BIVM: variants seen among roughly 807,000 people sequenced by gnomAD.
BIVM encodes the protein basic, immunoglobulin-like variable motif containing, also known as basic immunoglobulin-like variable motif-containing protein.
BIVM carries 31 observed loss-of-function variants against 61.4 expected under a neutral mutation model. The ratio of observed to expected loss-of-function variants is 0.51; its 90% CI spans 0.38 to 0.68. BIVM has a LOEUF of 0.68. Ranked by LOEUF, BIVM falls within the 30% of genes least tolerant of loss-of-function variation. BIVM has a pLI of 0.00. For missense variants in BIVM, 526 were observed against 596.0 expected (o/e 0.88, Z 1.22); for synonymous variants, 189 against 210.7 (o/e 0.90, Z 0.89).
In BIVM at chr13:102,821,023, T is replaced by C; in HGVS notation, c.606-14T>C. 6.2e-7 allele frequency: 1 copy of C among 1,604,542 alleles called. No homozygotes were observed. Among genetic ancestry groups the C allele is most frequent in the Non-Finnish European group, 8.5e-7 (1 of 1,177,020 alleles). ...GTTCATTCAAGTGAAGAAAACAGTC[T>C]TTTGTGTTCTCAGGTACTGCATAAG... On this transcript the variant is annotated splice_polypyrimidine_tract_variant and intron_variant, in intron 4 of 10. Coordinates refer to ENST00000257336, the MANE Select transcript of BIVM (RefSeq NM_017693.4).
chr13:102,812,267 A>G (rs1879550307), intron 3 of BIVM, among the ~76,000 whole-genome samples: 1 of 152,142 alleles, frequency 6.6e-6, no homozygotes, highest in African/African-American at 2.4e-5. Flanking sequence ...CATGTTCTTC[A>G]TACATACATC....
Position 102,840,019 on chromosome 13 carries a change from T to C in BIVM, c.*154T>C. ...TGTAGTTCTCCAGATACTAAGCTTG[T>C]ATATGATTATGGTGGGTGATTTCAG... On this transcript the variant is annotated 3_prime_UTR_variant, in exon 11 of 11. Transcript: ENST00000257336. 1.3e-6 allele frequency: 1 copy of C among 745,276 alleles called. No homozygotes were observed. Among genetic ancestry groups the C allele is most frequent in the East Asian group, 2.7e-5 (1 of 37,732 alleles). The allele number at this position is 745,276 out of a possible 1,614,324, so 46.2% of individuals were successfully genotyped here.
At chr13:102,835,722 G>A (rs974189719) in intron 9 of BIVM, among the ~76,000 whole-genome samples, 1 of 152,126 alleles carries the variant, frequency 6.6e-6, no homozygotes, top group Non-Finnish European at 1.5e-5. Flanking sequence ...TCGTAGAGAC[G>A]GGGTTTCGCC....
At chr13:102,831,821 A>G in intron 8 of BIVM, 124 bp downstream of exon 8, 6 of 965,314 alleles carry the variant, frequency 6.2e-6, no homozygotes, top group Middle Eastern at 6.9e-4. Context: ...CGAGGTCAGA[A>G]GATCGAGACC....
intron 6 of BIVM, 92 bp from the exon 7 acceptor site, chr13:102,821,973 C>T: frequency 6.5e-7 from 1 of 1,543,494 alleles, no homozygotes; most frequent in Non-Finnish European, 8.9e-7. Context: ...GGTATACCAA[C>T]TTTGGGCTAT....
In BIVM at chr13:102,840,034, G is replaced by T; in HGVS notation, c.*169G>T. 1.5e-6 allele frequency: 1 copy of T among 645,952 alleles called. No homozygotes were observed. Among genetic ancestry groups the T allele is most frequent in the Non-Finnish European group, 2.5e-6 (1 of 398,236 alleles). 40.0% of individuals were successfully genotyped at this position (645,952 alleles called of 1,614,324 possible). A position where few individuals can be genotyped will look rare whatever the true frequency, so the allele number is the denominator to read the frequency against. Reference sequence around the variant, plus strand: ...ACTAAGCTTGTATATGATTATGGTGGGTGATTTCAGATATATAAGCAGATA... The same window carrying T: ...ACTAAGCTTGTATATGATTATGGTGTGTGATTTCAGATATATAAGCAGATA... On this transcript the variant is annotated 3_prime_UTR_variant, in exon 11 of 11. Transcript: ENST00000257336.
At chr13:102,824,369 A>G (rs994759162) in intron 7 of BIVM, among the ~76,000 whole-genome samples, 2 of 152,216 alleles carry the variant, frequency 1.3e-5, no homozygotes, top group African/African-American at 4.8e-5. Flanking sequence ...AATAAATACT[A>G]GTAAAGCTTA....
intron 3 of BIVM, among the ~76,000 whole-genome samples, chr13:102,810,964 C>T (rs1879455162): frequency 6.6e-6 from 1 of 152,178 alleles, no homozygotes; most frequent in African/African-American, 2.4e-5. Context: ...CTCCTGGGCT[C>T]AAGCAATCCT....
In BIVM at chr13:102,839,752, C is replaced by T. The variant is rs752513014; in HGVS notation, c.1399C>T (p.Arg467Trp). ...ISKKQHGRLG[R>W]SFSASFHQDS... ...CAAGAAGCAGCATGGGCGTCTGGGC[C>T]GGTCTTTCAGTGCTAGTTTCCATCA... Residue 467 changes from arginine to tryptophan, a missense_variant, in exon 11 of 11, where the codon CGG becomes TGG. By Grantham distance (101) the Arg-to-Trp change is moderately radical. Around this residue, in one of 3 missense-constraint regions of BIVM, gnomAD observed 210 missense variants for 233.1 expected, o/e 0.90. Coordinates refer to ENST00000257336, the MANE Select transcript of BIVM (RefSeq NM_017693.4). 1.4e-5 allele frequency: 23 copies of T among 1,613,992 alleles called. No individual in the cohort carries two copies. The highest frequency in any genetic ancestry group is 2.2e-5 in the East Asian group (1 of 44,886).
chr13:102,829,613 C>G (rs1485329007), intron 7 of BIVM, among the ~76,000 whole-genome samples: 2 of 151,990 alleles, frequency 1.3e-5, no homozygotes, highest in Admixed American at 1.3e-4. Context: ...CTGAGAGGGG[C>G]GGGACACTTG....
chr13:102,814,097 G>A (rs2139177002), intron 3 of BIVM, among the ~76,000 whole-genome samples: 1 of 152,246 alleles, frequency 6.6e-6, no homozygotes, highest in Admixed American at 6.5e-5. Context: ...GTGTGTGTCT[G>A]TCTGTCTGTG....
chr13:102,827,478 C>T (rs778109648), intron 7 of BIVM, among the ~76,000 whole-genome samples: 9 of 151,234 alleles, frequency 6.0e-5, no homozygotes, highest in South Asian at 4.2e-4. Flanking sequence ...CCAGAATATT[C>T]GACTTTTTAC....
chr13:102,829,864 T>TA (rs34327910), intron 7 of BIVM, among the ~76,000 whole-genome samples: 5 of 99,810 alleles, frequency 5.0e-5, no homozygotes, highest in Non-Finnish European at 8.5e-5. Context: ...ATAAAATAAA[T>TA]AATTAAATAA....
chr13:102,826,922 C>T (rs866383218), intron 7 of BIVM, among the ~76,000 whole-genome samples: 1 of 152,080 alleles, frequency 6.6e-6, no homozygotes, highest in African/African-American at 2.4e-5. Context: ...ATCGAGGAAA[C>T]ATCAGCTATA....
chr13:102,816,677 AC>A, intron 4 of BIVM, 123 bp downstream of exon 4: 1 of 935,380 alleles, frequency 1.1e-6, no homozygotes, highest in Non-Finnish European at 1.4e-6. Context: ...TAAAATTATT[AC>A]CAGGATTTCT....
chr13:102,803,606 T>A (rs1878878719), intron 1 of BIVM, among the ~76,000 whole-genome samples: 1 of 152,108 alleles, frequency 6.6e-6, no homozygotes, highest in African/African-American at 2.4e-5. Context: ...GGAAGCCAAG[T>A]CTGAGATGAG....
Position 102,807,272 on chromosome 13 carries a change from C to G in BIVM, c.5C>G (p.Pro2Arg). Residue 2 changes from proline to arginine, a missense_variant, in exon 3 of 11, where the codon CCT becomes CGT. Transcript: ENST00000257336. The surrounding 1 kb of genome is among the most constrained non-coding windows in gnomAD (Gnocchi z 4.0). ...GAAACTTTTACACTGCATTCAATGC[C>G]TAACGTTGCAGAAACAGAAAGGTCA... M[P>R]NVAETERSND... 1.2e-6 allele frequency: 2 copies of G among 1,603,774 alleles called. No homozygotes were observed. The highest frequency in any genetic ancestry group is 1.7e-6 in the Non-Finnish European group (2 of 1,172,922).
chr13:102,802,664 C>A (rs938996696), intron 1 of BIVM, among the ~76,000 whole-genome samples: 1 of 151,384 alleles, frequency 6.6e-6, no homozygotes, highest in African/African-American at 2.4e-5. Flanking sequence ...CCAAATAAAT[C>A]ATCTTGTTCC....
intron 1 of BIVM, 87 bp downstream of exon 1, chr13:102,799,608 C>T (rs1053986449): frequency 6.6e-6 from 1 of 152,354 alleles, no homozygotes; most frequent in Non-Finnish European, 1.5e-5. Flanking sequence ...CTGGGCGCCG[C>T]CAGCCCGGCC....
Sources: allele counts gnomAD v4.1 joint callset (sites outside exome capture counted in the v4.1 genomes callset), GRCh38; gene constraint gnomAD v4.1.1; regional missense constraint gnomAD v4.1.1; non-coding constraint Gnocchi (gnomAD v3.1); transcripts MANE v1.5; gene names NCBI Gene and HGNC (gene_info 2026-07-23, HGNC 2026-07-21).